Variants in CSMD1 observed in about 807,000 individuals in gnomAD.
CSMD1 encodes the protein CUB and sushi domain-containing protein 1.
Under a neutral mutation model 417.5 loss-of-function variants are expected in CSMD1, and 213 were observed. That is an observed-to-expected ratio of 0.51 (90% CI 0.46 to 0.57). CSMD1 has a LOEUF of 0.57. Ranked by LOEUF, CSMD1 falls within the 20% of genes least tolerant of loss-of-function variation. The pLI, the probability that CSMD1 is intolerant of heterozygous loss-of-function variation, is 0.00. For missense variants in CSMD1, 6,923 were observed against 4,529.7 expected, an observed-to-expected ratio of 1.53 and a Z score of -15.17; for synonymous variants, 2,862 against 1,736.8, an observed-to-expected ratio of 1.65 and a Z score of -16.11.
At chr8:4,128,326 A>T (rs1802887494) in intron 3 of CSMD1, among the ~76,000 whole-genome samples, 1 of 152,162 alleles carries the variant, frequency 6.6e-6, no homozygotes, top group African/African-American at 2.4e-5. Flanking sequence ...GTCAGTTTTT[A>T]ATGAGGAGAC....
intron 52 of CSMD1, among the ~76,000 whole-genome samples, chr8:3,000,735 G>A (rs7820366): frequency 0.022 from 3,398 of 152,254 alleles, 101 homozygotes; most frequent in African/African-American, 0.072. Context: ...TGAAGTTAGC[G>A]TGGACTTGGG....
intron 2 of CSMD1, among the ~76,000 whole-genome samples, chr8:4,434,234 T>C (rs896850442): frequency 9.2e-5 from 14 of 152,148 alleles, no homozygotes; most frequent in Admixed American, 2.0e-4. Context: ...GCTAATTCCA[T>C]AGGGTGTGGC....
chr8:3,159,691 T>C (rs564491020), intron 38 of CSMD1, among the ~76,000 whole-genome samples: 1 of 152,296 alleles, frequency 6.6e-6, no homozygotes, highest in Admixed American at 6.5e-5. Context: ...CTTGGCATTG[T>C]TTGTAACGAA....
At chr8:3,010,977 C>T (rs538162162) in intron 52 of CSMD1, among the ~76,000 whole-genome samples, 31 of 152,206 alleles carry the variant, frequency 2.0e-4, no homozygotes, top group African/African-American at 6.0e-4. Flanking sequence ...CTGCCCACCT[C>T]GGCCTCCCAA....
chr8:4,429,825 T>C (rs1234443302), intron 2 of CSMD1, among the ~76,000 whole-genome samples: 2 of 151,502 alleles, frequency 1.3e-5, no homozygotes, highest in African/African-American at 4.9e-5. Context: ...CAGGATCTCA[T>C]TGGCTCGGGA....
intron 2 of CSMD1, among the ~76,000 whole-genome samples, chr8:4,511,116 A>G (rs1802797590): frequency 6.6e-6 from 1 of 152,134 alleles, no homozygotes; most frequent in South Asian, 2.1e-4. Flanking sequence ...TGTGAACAGA[A>G]TACCAACATA....
chr8:4,568,610 A>T (rs548598396), intron 2 of CSMD1, among the ~76,000 whole-genome samples: 2 of 152,198 alleles, frequency 1.3e-5, no homozygotes, highest in East Asian at 3.9e-4. Context: ...TAATAGAAAG[A>T]TGTATAATCC....
chr8:3,892,605 C>G (rs1368082779), intron 5 of CSMD1, among the ~76,000 whole-genome samples: 1 of 151,982 alleles, frequency 6.6e-6, no homozygotes, highest in Non-Finnish European at 1.5e-5. Context: ...CTCCCCACTC[C>G]TACTTTCACT....
At chr8:4,469,643 T>C (rs1800407244) in intron 2 of CSMD1, among the ~76,000 whole-genome samples, 1 of 152,258 alleles carries the variant, frequency 6.6e-6, no homozygotes, top group East Asian at 1.9e-4. Flanking sequence ...TAGAGGCCAG[T>C]GTCTCCCCAC....
At chr8:4,684,642 A>G (rs1211732987) in intron 1 of CSMD1, among the ~76,000 whole-genome samples, 1 of 152,180 alleles carries the variant, frequency 6.6e-6, no homozygotes, top group Admixed American at 6.5e-5. Flanking sequence ...AATTGAATGT[A>G]AGGATTATAA....
intron 1 of CSMD1, among the ~76,000 whole-genome samples, chr8:4,726,012 C>A (rs747309509): frequency 3.3e-5 from 5 of 152,118 alleles, no homozygotes; most frequent in Non-Finnish European, 7.3e-5. Flanking sequence ...TAAGAATTTT[C>A]TCATAATGGA....
chr8:4,342,652 A>G (rs1467774652), intron 3 of CSMD1, among the ~76,000 whole-genome samples: 5 of 152,086 alleles, frequency 3.3e-5, no homozygotes, highest in Non-Finnish European at 7.4e-5. Flanking sequence ...TTTTCATCAC[A>G]TGTGATGCTA....
chr8:3,322,634 G>A (rs188015504), intron 23 of CSMD1, among the ~76,000 whole-genome samples: 1 of 152,140 alleles, frequency 6.6e-6, no homozygotes, highest in African/African-American at 2.4e-5. Context: ...CAAAGTTGTA[G>A]GGACGCCCCT....
rs536753426 is a variant in CSMD1 at position 4,631,398 on chromosome 8, G to C, written c.302+5944C>G. 6.4e-3 allele frequency among the ~76,000 whole-genome samples: 883 copies of C among 138,390 alleles called. 4 individuals carry two copies. Among genetic ancestry groups the C allele is most frequent in the Non-Finnish European group, 8.5e-3 (541 of 63,460 alleles). The allele number at this position is 138,390 out of a possible 152,430, so 90.8% of individuals were successfully genotyped here. ...ATAAAATAAAATGATACCTTGGTTT[G>C]TTTTTTTTTTTTTTTAATCAGTCCA... On this transcript the variant is annotated intron_variant, in intron 2 of 69. Coordinates refer to ENST00000635120, the MANE Select transcript of CSMD1 (RefSeq NM_033225.6).
chr8:4,480,828 T>G (rs957139783), intron 2 of CSMD1, among the ~76,000 whole-genome samples: 2 of 152,188 alleles, frequency 1.3e-5, no homozygotes, highest in Non-Finnish European at 2.9e-5. Flanking sequence ...GACTGCCACA[T>G]TCAGGTTTTG....
chr8:4,495,951 G>C (rs1026990294), intron 2 of CSMD1, among the ~76,000 whole-genome samples: 1 of 152,080 alleles, frequency 6.6e-6, no homozygotes, highest in African/African-American at 2.4e-5. Flanking sequence ...AAGAACCAAA[G>C]GTCTAAGTAC....
chr8:3,594,381 G>C (rs574862819), intron 8 of CSMD1, among the ~76,000 whole-genome samples: 10 of 152,044 alleles, frequency 6.6e-5, no homozygotes, highest in South Asian at 4.2e-4. Flanking sequence ...ACTGAAATTT[G>C]GGTTACGTCT....
chr8:3,792,208 G>A (rs1158788975), intron 5 of CSMD1, among the ~76,000 whole-genome samples: 2 of 152,012 alleles, frequency 1.3e-5, no homozygotes, highest in Non-Finnish European at 2.9e-5. Context: ...ATGGGAGATC[G>A]CTCAAGCCCA....
intron 3 of CSMD1, among the ~76,000 whole-genome samples, chr8:4,406,903 T>C (rs1013600293): frequency 9.2e-5 from 14 of 152,148 alleles, no homozygotes; most frequent in African/African-American, 3.4e-4. Context: ...CTATTGTGCA[T>C]TGAGAAAGTG....
Sources: gnomAD v4.1 joint callset for allele counts (sites outside exome capture counted in the v4.1 genomes callset) on GRCh38, gnomAD v4.1.1 for gene constraint, MANE v1.5 for transcripts, NCBI Gene and HGNC (gene_info 2026-07-23, HGNC 2026-07-21) for gene names.